PHF21A: variants seen among roughly 807,000 people sequenced by gnomAD.
PHF21A encodes the protein PHD finger protein 21A.
PHF21A carries 11 observed loss-of-function variants against 82.5 expected under a neutral mutation model. The observed-to-expected ratio is 0.13, with a 90% CI of 0.08 to 0.22. PHF21A has a LOEUF of 0.22. Among genes scored for constraint, PHF21A ranks in the 10% least tolerant of loss-of-function variants. The probability of loss-of-function intolerance (pLI) is 1.00; values close to 1 mark genes in which losing one functional copy is unlikely to be tolerated. For missense variants in PHF21A, 579 were observed against 837.8 expected, an observed-to-expected ratio of 0.69 and a Z score of 3.81; for synonymous variants, 297 against 302.8, an observed-to-expected ratio of 0.98 and a Z score of 0.20.
chr11:46,038,932 A>G (rs1202783931), intron 6 of PHF21A, among the ~76,000 whole-genome samples: 2 of 152,128 alleles, frequency 1.3e-5, no homozygotes, highest in Non-Finnish European at 2.9e-5. Flanking sequence ...ACACATTCAA[A>G]CCACAGCACT....
intron 14 of PHF21A, among the ~76,000 whole-genome samples, chr11:45,947,228 A>G (rs1262319320): frequency 6.6e-6 from 1 of 152,174 alleles, no homozygotes; most frequent in Non-Finnish European, 1.5e-5. Context: ...CTTACCACAT[A>G]TCTAAGTCAG....
chr11:46,066,818 C>T (rs2096599708), intron 6 of PHF21A, among the ~76,000 whole-genome samples: 1 of 152,212 alleles, frequency 6.6e-6, no homozygotes, highest in African/African-American at 2.4e-5. Flanking sequence ...GTGAATGGTT[C>T]TGTGTAAACA....
intron 6 of PHF21A, among the ~76,000 whole-genome samples, chr11:46,031,763 T>C (rs989778406): frequency 6.6e-6 from 1 of 152,156 alleles, no homozygotes; most frequent in Non-Finnish European, 1.5e-5. Flanking sequence ...AAGAATGCAA[T>C]AATTTTTTTC....
At chr11:45,984,316 A>C (rs1165058339) in intron 6 of PHF21A, among the ~76,000 whole-genome samples, 1 of 152,202 alleles carries the variant, frequency 6.6e-6, no homozygotes, top group South Asian at 2.1e-4. Context: ...GCCCACTTCA[A>C]TCCATCTGTC....
rs2089101339 is a variant in PHF21A, at chr11:45,936,550, G to C, written c.1628C>G (p.Ala543Gly). Residue 543 changes from alanine to glycine, a missense_variant, in exon 17 of 19, where the codon GCA becomes GGA. Around this residue, in one of 3 missense-constraint regions of PHF21A, gnomAD observed 410 missense variants for 642.1 expected, o/e 0.64. Coordinates refer to ENST00000676320, the MANE Select transcript of PHF21A (RefSeq NM_001352027.3). ...CQDQMLKKEE[A>G]IPWPGTLAIV... ...TGCTAAAGTTCCAGGCCATGGAATT[G>C]CTTCTTCCTTCTTCAGCATCTGAAA... 1 of 1,612,566 alleles carries C rather than the reference G, an allele frequency of 6.2e-7. No individual in the cohort carries two copies. Among genetic ancestry groups the C allele is most frequent in the Non-Finnish European group, 8.5e-7 (1 of 1,178,602 alleles).
chr11:46,099,643 G>T (rs1364001171), intron 1 of PHF21A, among the ~76,000 whole-genome samples: 2 of 151,752 alleles, frequency 1.3e-5, no homozygotes, highest in Non-Finnish European at 2.9e-5. Context: ...TTTGCTGCAG[G>T]CCTAGAAAAC....
chr11:45,965,990 C>T (rs1489305572), intron 9 of PHF21A, among the ~76,000 whole-genome samples: 1 of 152,114 alleles, frequency 6.6e-6, no homozygotes, highest in Non-Finnish European at 1.5e-5. Context: ...TTCAGTGCAC[C>T]CCCATTTCTG....
chr11:46,035,622 C>G (rs1458455884), intron 6 of PHF21A, among the ~76,000 whole-genome samples: 1 of 152,138 alleles, frequency 6.6e-6, no homozygotes, highest in Non-Finnish European at 1.5e-5. Context: ...AAACAACCAA[C>G]AGGTGGACCT....
At chr11:46,048,603 C>G (rs1425250440) in intron 6 of PHF21A, among the ~76,000 whole-genome samples, 3 of 151,930 alleles carry the variant, frequency 2.0e-5, no homozygotes, top group African/African-American at 4.8e-5. Flanking sequence ...AACCCCATCT[C>G]TACTAAAAAT....
chr11:46,081,812 C>A (rs1185960299), intron 4 of PHF21A, among the ~76,000 whole-genome samples: 2 of 152,216 alleles, frequency 1.3e-5, no homozygotes, highest in African/African-American at 2.4e-5. Context: ...AAAAGCCATA[C>A]TCATTCATTT....
intron 15 of PHF21A, 55 bp downstream of exon 15, chr11:45,945,785 G>A (rs924535991): frequency 2.8e-6 from 4 of 1,439,492 alleles, no homozygotes; most frequent in African/African-American, 1.4e-5. Flanking sequence ...ATATGATAAC[G>A]CTTTTCCCAA....
At chr11:46,030,870 T>TG (rs2095854118) in intron 6 of PHF21A, among the ~76,000 whole-genome samples, 3 of 146,456 alleles carry the variant, frequency 2.0e-5, no homozygotes, top group Admixed American at 6.9e-5. Context: ...TGTGTGTGTG[T>TG]TTCCAGTAGC....
chr11:46,099,562 A>ACACACACACACACC (rs1228299404), intron 1 of PHF21A, among the ~76,000 whole-genome samples: 7 of 146,040 alleles, frequency 4.8e-5, no homozygotes, highest in South Asian at 4.3e-4. Context: ...ACACACACAC[A>ACACACACACACACC]CCCTAAACAC....
chr11:45,936,006 G>A (rs1224267357), intron 17 of PHF21A, among the ~76,000 whole-genome samples: 1 of 152,200 alleles, frequency 6.6e-6, no homozygotes, highest in African/African-American at 2.4e-5. Flanking sequence ...GTCCAGGCAT[G>A]ATGGCTCATG....
intron 6 of PHF21A, among the ~76,000 whole-genome samples, chr11:46,011,013 G>T (rs917085511): frequency 1.3e-5 from 2 of 151,948 alleles, no homozygotes; most frequent in Non-Finnish European, 2.9e-5. Context: ...TCAAAAAAGT[G>T]ATCAACAGAA....
At chr11:45,992,232 A>G (rs115531190) in intron 6 of PHF21A, among the ~76,000 whole-genome samples, 157 of 152,202 alleles carry the variant, frequency 1.0e-3, no homozygotes, top group African/African-American at 3.7e-3. Flanking sequence ...GGAATTAGAC[A>G]TTACTTAGAA....
At chr11:46,112,065 C>T (rs1484174433) in intron 1 of PHF21A, among the ~76,000 whole-genome samples, 1 of 152,146 alleles carries the variant, frequency 6.6e-6, no homozygotes, top group Non-Finnish European at 1.5e-5. Context: ...CTGAAGTCAA[C>T]CAAAGGCTTG....
In PHF21A at chr11:45,930,950, GGGAGATT is replaced by G. The variant is rs1334041306; in HGVS notation, c.*3011_*3017del. ...AGGTCTGAGGGGACAGTGAAGGACAGGGAGATTGGGTGCCAGGGGCCTCTTCTTTACA... is the reference window on the plus strand; with the variant it reads ...AGGTCTGAGGGGACAGTGAAGGACAGGGGTGCCAGGGGCCTCTTCTTTACA... On this transcript the variant is annotated 3_prime_UTR_variant, in exon 19 of 19. Coordinates refer to ENST00000676320, the MANE Select transcript of PHF21A (RefSeq NM_001352027.3). The G allele has an allele frequency of 7.4e-6, 1 of 134,728 alleles. No individual in the cohort carries two copies. Among genetic ancestry groups the G allele is most frequent in the Non-Finnish European group, 1.6e-5 (1 of 63,394 alleles). 8.3% of individuals were successfully genotyped at this position (134,728 alleles called of 1,614,324 possible). A position where few individuals can be genotyped will look rare whatever the true frequency, so the allele number is the denominator to read the frequency against.
chr11:46,049,534 A>G (rs1464660575), intron 6 of PHF21A: 1 of 455,634 alleles, frequency 2.2e-6, no homozygotes, highest in Non-Finnish European at 4.4e-6. Context: ...AAGGTCAGGT[A>G]GAAGAGGGTG....
Sources: allele counts gnomAD v4.1 joint callset (sites outside exome capture counted in the v4.1 genomes callset), GRCh38; gene constraint gnomAD v4.1.1; regional missense constraint gnomAD v4.1.1; transcripts MANE v1.5; gene names NCBI Gene and HGNC (gene_info 2026-07-23, HGNC 2026-07-21).